MRRF: variants seen among roughly 807,000 people sequenced by gnomAD.
The protein encoded by MRRF is ribosome-recycling factor, mitochondrial.
In MRRF, 18 loss-of-function variants were observed where a neutral mutation model predicts 25.1. That is an observed-to-expected ratio of 0.72 (90% CI 0.50 to 1.06). The LOEUF (loss-of-function observed/expected upper bound fraction) is 1.06. Ranked by LOEUF, MRRF falls within the 50% of genes least tolerant of loss-of-function variation. The pLI, the probability that MRRF is intolerant of heterozygous loss-of-function variation, is 0.00. For synonymous variants in MRRF, 113 were observed against 112.1 expected (o/e 1.01, Z -0.05); for missense variants, 323 against 319.3 (o/e 1.01, Z -0.09).
intron 6 of MRRF, among the ~76,000 whole-genome samples, chr9:122,317,469 T>C (rs1417915280): frequency 6.6e-6 from 1 of 152,180 alleles, no homozygotes; most frequent in Non-Finnish European, 1.5e-5. Flanking sequence ...TTCATTGATA[T>C]ATATAATAGT....
At chr9:122,267,849 T>C (rs1181274946) in intron 1 of MRRF, among the ~76,000 whole-genome samples, 1 of 152,248 alleles carries the variant, frequency 6.6e-6, no homozygotes, top group African/African-American at 2.4e-5. Flanking sequence ...ATTATTGTTA[T>C]CTTTTAAAGT....
intron 5 of MRRF, among the ~76,000 whole-genome samples, chr9:122,309,782 A>G (rs952004366): frequency 6.6e-6 from 1 of 152,188 alleles, no homozygotes; most frequent in Non-Finnish European, 1.5e-5. Context: ...TAGTTGTTGA[A>G]TGAAGCTATA....
intron 5 of MRRF, among the ~76,000 whole-genome samples, chr9:122,301,826 C>A (rs1440997267): frequency 6.6e-6 from 1 of 151,854 alleles, no homozygotes; most frequent in African/African-American, 2.4e-5. Context: ...CTCCACCTCC[C>A]AGGTTCAAGT....
At position 122,283,389 on chromosome 9, in the gene MRRF, G is replaced by A. The variant is rs563683883; in HGVS notation, c.341-1780G>A. Among the ~76,000 whole-genome samples, 4 of 152,238 alleles carry A rather than the reference G, an allele frequency of 2.6e-5. No individual in the cohort carries two copies. In the East Asian group the frequency reaches 7.7e-4, roughly 29 times the overall value. On this transcript the variant is annotated intron_variant, in intron 3 of 6. Coordinates refer to ENST00000344641, the MANE Select transcript of MRRF (RefSeq NM_138777.5). Reference sequence around the variant, plus strand: ...ATTACAGGCGTGAGCCACTGTACCCGGTGAGATATAAGTACAATTTTTATG... The same window carrying A: ...ATTACAGGCGTGAGCCACTGTACCCAGTGAGATATAAGTACAATTTTTATG...
chr9:122,274,797 TTTC>T (rs200556529), intron 2 of MRRF, among the ~76,000 whole-genome samples: 2 of 152,012 alleles, frequency 1.3e-5, no homozygotes, highest in South Asian at 2.1e-4. Context: ...CTGCATCTAC[TTTC>T]TTCTTTTCTT....
chr9:122,319,147 CTTTTTTTT>C (rs35949709), intron 6 of MRRF, among the ~76,000 whole-genome samples: 1 of 121,030 alleles, frequency 8.3e-6, no homozygotes, highest in East Asian at 2.5e-4. Context: ...TTCTTTCTTT[CTTTTTTTT>C]TTTTTTTTTT....
At chr9:122,308,465 G>A (rs1303523402) in intron 5 of MRRF, among the ~76,000 whole-genome samples, 1 of 149,862 alleles carries the variant, frequency 6.7e-6, no homozygotes, top group Non-Finnish European at 1.5e-5. Flanking sequence ...CTGGGAGGCC[G>A]AGGCAGGCAG....
At chr9:122,319,175 G>A in intron 6 of MRRF, among the ~76,000 whole-genome samples, 1 of 129,600 alleles carries the variant, frequency 7.7e-6, no homozygotes, top group Non-Finnish European at 1.6e-5. Context: ...TTTTGAGACA[G>A]AGCCTGGCTC....
At chr9:122,291,678 T>C (rs1833777485) in intron 4 of MRRF, 71 bp from the exon 5 acceptor site, 5 of 1,077,716 alleles carry the variant, frequency 4.6e-6, no homozygotes, top group Non-Finnish European at 7.2e-6. Flanking sequence ...GGGTTGCCAG[T>C]TATCGACAGA....
chr9:122,277,153 C>A (rs1192964950), intron 2 of MRRF, among the ~76,000 whole-genome samples: 1 of 152,170 alleles, frequency 6.6e-6, no homozygotes, highest in Non-Finnish European at 1.5e-5. Context: ...AGTCACTGCA[C>A]CCAGCCAGTT....
At chr9:122,280,948 C>A (rs1286199769) in intron 3 of MRRF, among the ~76,000 whole-genome samples, 3 of 152,176 alleles carry the variant, frequency 2.0e-5, no homozygotes, top group African/African-American at 7.2e-5. Flanking sequence ...GAATTAGACT[C>A]TCAGAAAAAT....
chr9:122,311,115 T>A (rs896812127), intron 5 of MRRF, among the ~76,000 whole-genome samples: 1 of 152,214 alleles, frequency 6.6e-6, no homozygotes, highest in South Asian at 2.1e-4. Context: ...ATAAGGAAAC[T>A]GAGGCTCACA....
At chr9:122,306,090 C>T (rs999710510) in intron 5 of MRRF, among the ~76,000 whole-genome samples, 30 of 152,304 alleles carry the variant, frequency 2.0e-4, no homozygotes, top group African/African-American at 5.1e-4. Context: ...CTGTCTTTCT[C>T]CAGAGCCTGG....
intron 5 of MRRF, among the ~76,000 whole-genome samples, chr9:122,311,483 T>G (rs1187796110): frequency 6.6e-6 from 1 of 152,254 alleles, no homozygotes; most frequent in Non-Finnish European, 1.5e-5. Flanking sequence ...CTGGTGTTAA[T>G]AGTGTGGTAA....
At position 122,322,557 on chromosome 9, in the gene MRRF, T is replaced by C. The variant is rs1432624549; in HGVS notation, c.729T>C (p.Asp243=). ...LIEKQISQMA[D]DTVAELDRHL... is the part of the protein sequence containing the mutation. ...TCTTGCAGATCAGCCAAATGGCCGA[T>C]GACACAGTGGCAGAACTGGACAGGC... The change falls in exon 7 of 7, where the codon GAT becomes GAC. Residue 243 remains aspartate, a synonymous_variant. Transcript: ENST00000344641. The C allele has an allele frequency of 1.2e-6, 2 of 1,614,160 alleles. No homozygotes were observed. Among genetic ancestry groups the C allele is most frequent in the Non-Finnish European group, 1.7e-6 (2 of 1,180,024 alleles).
intron 4 of MRRF, among the ~76,000 whole-genome samples, chr9:122,291,389 C>T (rs1385823818): frequency 6.6e-6 from 1 of 152,178 alleles, no homozygotes; most frequent in Non-Finnish European, 1.5e-5. Flanking sequence ...CGTATGAAAT[C>T]TTTCATCTGT....
chr9:122,275,359 A>C (rs1676954682), intron 2 of MRRF, among the ~76,000 whole-genome samples: 1 of 152,100 alleles, frequency 6.6e-6, no homozygotes, highest in Non-Finnish European at 1.5e-5. Flanking sequence ...GTGGTTAGGC[A>C]TGGTGGCTCA....
intron 6 of MRRF, among the ~76,000 whole-genome samples, chr9:122,316,410 A>G (rs1360509263): frequency 6.6e-6 from 1 of 152,132 alleles, no homozygotes; most frequent in Non-Finnish European, 1.5e-5. Context: ...TCCTGACCTC[A>G]GATGATCCGC....
chr9:122,271,497 A>G (rs946405258), intron 2 of MRRF, among the ~76,000 whole-genome samples: 1 of 152,162 alleles, frequency 6.6e-6, no homozygotes, highest in African/African-American at 2.4e-5. Flanking sequence ...GATGATCTTA[A>G]TGGCTTGTGT....
Sources: allele counts gnomAD v4.1 joint callset (sites outside exome capture counted in the v4.1 genomes callset), GRCh38; gene constraint gnomAD v4.1.1; transcripts MANE v1.5; gene names NCBI Gene and HGNC (gene_info 2026-07-23, HGNC 2026-07-21).